The following HGS variants were observed in gnomAD, a reference collection of about 807,000 sequenced individuals.
The protein encoded by HGS is hepatocyte growth factor-regulated tyrosine kinase substrate.
A neutral mutation model predicts 109.7 loss-of-function variants in HGS; 63 were observed. The observed-to-expected ratio is 0.57, with a 90% CI of 0.47 to 0.71. The LOEUF (loss-of-function observed/expected upper bound fraction) is 0.71, where lower values mean the gene tolerates loss of function less well. HGS is among the 30% of genes least tolerant of loss of function. The pLI is 0.00. For missense variants in HGS, 995 were observed against 1,068.3 expected (o/e 0.93, Z 0.96); for synonymous variants, 546 against 437.3 (o/e 1.25, Z -3.10).
chr17:81,684,058 G>T lies in HGS; in HGVS notation c.-9G>T, dbSNP rs1196854858. 6.3e-7 allele frequency: 1 copy of T among 1,593,962 alleles called. No homozygotes were observed. Among genetic ancestry groups the T allele is most frequent in the Non-Finnish European group, 8.5e-7 (1 of 1,172,764 alleles). On this transcript the variant is annotated 5_prime_UTR_variant, in exon 1 of 22. Coordinates refer to ENST00000329138, the MANE Select transcript of HGS (RefSeq NM_004712.5). ...CGCCCGCGGCGTCGGGTTTGGGCTG[G>T]AGGTCGCCATGGGGCGAGGCAGCGG...
intron 3 of HGS, 48 bp downstream of exon 3, chr17:81,686,435 A>G (rs374223885): frequency 2.0e-4 from 266 of 1,310,026 alleles, no homozygotes; most frequent in South Asian, 1.9e-3. Context: ...CCTACCCCCT[A>G]CTAGTCACGA....
In HGS at chr17:81,694,848, C is replaced by T; in HGVS notation, c.970C>T (p.Pro324Ser). 3 of 1,614,256 alleles carry T rather than the reference C, an allele frequency of 1.9e-6. No individual in the cohort carries two copies. The highest frequency in any genetic ancestry group is 2.5e-6 in the Non-Finnish European group (3 of 1,180,042). The change falls in exon 12 of 22, where the codon CCT becomes TCT. Residue 324 changes from proline to serine, a missense_variant. This residue lies in a region of HGS where 300 missense variants were observed against 235.4 expected (regional missense o/e 1.27). Transcript: ENST00000329138. ...GGCGCCTCTGGCTGAGGACATCGAC[C>T]CTGAGGTAAGGCCCAGCATGGGGTG... ...SSAPLAEDIDPELARYLNRNY... is the reference protein window; with the variant it reads ...SSAPLAEDIDSELARYLNRNY...
rs909022959 is a variant in HGS, at chr17:81,701,683, C to G, written c.*65C>G. ...TTCACCTGAAACGCCTCGTCTCTAA[C>G]TGCCGTCGTCCTGCCTCCCTGTCCT... On this transcript the variant is annotated 3_prime_UTR_variant, in exon 22 of 22. Transcript: ENST00000329138. 1.1e-5 allele frequency: 16 copies of G among 1,504,632 alleles called. No individual in the cohort carries two copies. The highest frequency in any genetic ancestry group is 1.4e-5 in the African/African-American group (1 of 72,664). 93.2% of individuals were successfully genotyped at this position (1,504,632 alleles called of 1,614,324 possible). A position where few individuals can be genotyped will look rare whatever the true frequency, so the allele number is the denominator to read the frequency against.
intron 21 of HGS, 134 bp from the exon 22 acceptor site, chr17:81,701,374 C>G: frequency 2.9e-6 from 3 of 1,030,242 alleles, no homozygotes; most frequent in Non-Finnish European, 4.2e-6. Context: ...GCCGCATGAG[C>G]TGGCTGCATG....
intron 11 of HGS, 103 bp downstream of exon 11, chr17:81,694,068 G>A: frequency 1.0e-6 from 1 of 984,240 alleles, no homozygotes; most frequent in Non-Finnish European, 1.5e-6. Flanking sequence ...GGGGATGCGG[G>A]TCCCCGGGCT....
intron 11 of HGS, among the ~76,000 whole-genome samples, 189 bp from the exon 12 acceptor site, chr17:81,694,626 G>C (rs2037115518): frequency 6.6e-6 from 1 of 152,214 alleles, no homozygotes; most frequent in Non-Finnish European, 1.5e-5. Context: ...GTCAGCCTCT[G>C]TGGAGTTCTA....
chr17:81,690,055 C>T, intron 5 of HGS, 127 bp from the exon 6 acceptor site: 2 of 949,246 alleles, frequency 2.1e-6, no homozygotes, highest in South Asian at 1.7e-5. Context: ...TGTCTCGGTG[C>T]CCCCAGACAC....
Position 81,696,930 on chromosome 17 carries a change from A to C in HGS, c.1814A>C (p.His605Pro). The C allele has an allele frequency of 6.2e-7, 1 of 1,607,250 alleles. No individual in the cohort carries two copies. The highest frequency in any genetic ancestry group is 8.5e-7 in the Non-Finnish European group (1 of 1,179,738). Residue 605 changes from histidine (H) to proline (P), a missense_variant, in exon 18 of 22, where the codon CAC becomes CCC. His to Pro is a moderately conservative substitution (Grantham distance 77). Around this residue, in one of 6 missense-constraint regions of HGS, gnomAD observed 326 missense variants for 309.7 expected, o/e 1.05. Transcript: ENST00000329138. ...PAGSVEGSPM[H>P]GVYMSQPAPA... ...GGCTCGGTGGAGGGCTCCCCAATGC[A>C]CGGCGTGTACATGAGCCAGCCGGCC...
At chr17:81,700,632 GGCC>G (rs2037221745) in intron 19 of HGS, 32 bp downstream of exon 19, 1 of 1,588,640 alleles carries the variant, frequency 6.3e-7, no homozygotes, top group Non-Finnish European at 8.6e-7. Flanking sequence ...CTCCTTCCAG[GGCC>G]AGCCCCAGCC....
chr17:81,686,489 G>A, intron 3 of HGS, 102 bp downstream of exon 3: 1 of 794,834 alleles, frequency 1.3e-6, no homozygotes, highest in Non-Finnish European at 2.1e-6. Flanking sequence ...CACCTCCCTG[G>A]GCATACATCA....
At chr17:81,697,191 T>C (rs1461545315) in intron 18 of HGS, 193 bp downstream of exon 18, 4 of 639,402 alleles carry the variant, frequency 6.3e-6, no homozygotes, top group Non-Finnish European at 7.8e-6. Context: ...TTTCAGTCCG[T>C]GCGTGGCAGG....
chr17:81,686,466 C>T (rs1486516685), intron 3 of HGS, 79 bp downstream of exon 3: 5 of 1,067,512 alleles, frequency 4.7e-6, no homozygotes, highest in Admixed American at 3.7e-5. Context: ...AGAGTTTGTC[C>T]TGTGGCCTTG....
Position 81,696,426 on chromosome 17 carries a change from G to A in HGS, c.1463G>A (p.Arg488His), listed in dbSNP as rs1328226334. ...RDARGALSAL[R>H]EEHREKLRRA... ...GCCCGGGGGGCGCTGAGTGCCCTGCGCGAAGAGCACCGGGAGAAGCTTCGC... is the reference window on the plus strand; with the variant it reads ...GCCCGGGGGGCGCTGAGTGCCCTGCACGAAGAGCACCGGGAGAAGCTTCGC... The change falls in exon 16 of 22, where the codon CGC becomes CAC. Residue 488 changes from arginine (R) to histidine (H), a missense_variant. This residue lies in a region of HGS where 163 missense variants were observed against 217.8 expected (regional missense o/e 0.75). Coordinates refer to ENST00000329138, the MANE Select transcript of HGS (RefSeq NM_004712.5). 4.5e-6 allele frequency: 7 copies of A among 1,571,942 alleles called. No homozygotes were observed. The highest frequency in any genetic ancestry group is 3.5e-5 in the South Asian group (3 of 85,048).
Position 81,690,261 on chromosome 17 carries a change from C to T in HGS, c.468+27C>T, listed in dbSNP as rs149151721. On this transcript the variant is annotated intron_variant, in intron 6 of 21. Transcript: ENST00000329138. ...TGAGTGTGGGCGGCCGCCAGGGGTTCTGGAGTCGGGCTGCTCAGGAAGCGT... is the reference window on the plus strand; with the variant it reads ...TGAGTGTGGGCGGCCGCCAGGGGTTTTGGAGTCGGGCTGCTCAGGAAGCGT... 2.4e-3 allele frequency: 3,837 copies of T among 1,612,396 alleles called. 101 individuals are homozygous for T. The African/African-American group carries it at 0.045, about 19-fold the overall frequency.
chr17:81,689,512 CAG>C (rs1213591372), intron 5 of HGS, among the ~76,000 whole-genome samples: 1 of 152,096 alleles, frequency 6.6e-6, no homozygotes, highest in Non-Finnish European at 1.5e-5. Context: ...AGGGCCCACT[CAG>C]TGAGAGAGAG....
At chr17:81,695,317 G>T in intron 14 of HGS, 94 bp downstream of exon 14, 1 of 1,361,888 alleles carries the variant, frequency 7.3e-7, no homozygotes, top group Non-Finnish European at 1.0e-6. Context: ...CTAACCAGAG[G>T]GCCGTGCTAG....
chr17:81,687,963 C>T (rs540699916), intron 4 of HGS, among the ~76,000 whole-genome samples: 8 of 152,340 alleles, frequency 5.3e-5, no homozygotes, highest in African/African-American at 1.7e-4. Context: ...CTGCCCGACC[C>T]TGGTGCTCCT....
intron 4 of HGS, among the ~76,000 whole-genome samples, chr17:81,687,760 C>T (rs1305360361): frequency 6.6e-6 from 1 of 152,128 alleles, no homozygotes; most frequent in Non-Finnish European, 1.5e-5. Context: ...TGTAGTCAGG[C>T]TGCTCCCCTT....
chr17:81,685,496 A>G (rs1848281211), intron 1 of HGS, 109 bp from the exon 2 acceptor site: 2 of 664,192 alleles, frequency 3.0e-6, no homozygotes, highest in East Asian at 2.8e-5. Context: ...ATTTGGTCCA[A>G]ATGTCTAAAG....
Sources: allele counts gnomAD v4.1 joint callset (sites outside exome capture counted in the v4.1 genomes callset), GRCh38; gene constraint gnomAD v4.1.1; regional missense constraint gnomAD v4.1.1; transcripts MANE v1.5; gene names NCBI Gene and HGNC (gene_info 2026-07-23, HGNC 2026-07-21).